Variants in NFYA observed in about 807,000 individuals in gnomAD.
NFYA encodes the protein nuclear transcription factor Y subunit alpha.
A neutral mutation model predicts 52.8 loss-of-function variants in NFYA; 28 were observed. That is an observed-to-expected ratio of 0.53 (90% CI 0.39 to 0.73). The LOEUF (loss-of-function observed/expected upper bound fraction) is 0.73. Ranked by LOEUF, NFYA falls within the 30% of genes least tolerant of loss-of-function variation. The pLI is 0.00. For missense variants in NFYA, 234 were observed against 427.0 expected (o/e 0.55, Z 3.98); for synonymous variants, 150 against 150.7 (o/e 1.00, Z 0.03).
intron 5 of NFYA, 62 bp from the exon 6 acceptor site, chr6:41,090,142 A>T (rs1764161593): frequency 1.8e-6 from 2 of 1,131,746 alleles, no homozygotes; most frequent in Non-Finnish European, 2.7e-6. Flanking sequence ...TTTAAGGACT[A>T]CATCGTTCTT....
At chr6:41,096,130 T>C (rs1024334385) in intron 9 of NFYA, among the ~76,000 whole-genome samples, 1 of 152,250 alleles carries the variant, frequency 6.6e-6, no homozygotes, top group Admixed American at 6.5e-5. Flanking sequence ...GGATGCATGC[T>C]ATTAATAGTT....
rs973275586 is a variant in NFYA, at chr6:41,100,007, C to G, written c.*2597C>G. The G allele has an allele frequency of 6.6e-6, 1 of 152,072 alleles. No individual in the cohort carries two copies. Among genetic ancestry groups the G allele is most frequent in the Non-Finnish European group, 1.5e-5 (1 of 68,012 alleles). 9.4% of individuals were successfully genotyped at this position (152,072 alleles called of 1,614,324 possible). A position where few individuals can be genotyped will look rare whatever the true frequency, so the allele number is the denominator to read the frequency against. On this transcript the variant is annotated 3_prime_UTR_variant, in exon 10 of 10. Coordinates refer to ENST00000341376, the MANE Select transcript of NFYA (RefSeq NM_002505.5). Reference sequence around the variant, plus strand: ...GTGACTTTTGAGGAATCTGCAACTCCTGGGTTCTAGTTTGTGTTTCCAGTG... The same window carrying G: ...GTGACTTTTGAGGAATCTGCAACTCGTGGGTTCTAGTTTGTGTTTCCAGTG...
At chr6:41,089,787 A>G in intron 5 of NFYA, 77 bp downstream of exon 5, 2 of 1,537,198 alleles carry the variant, frequency 1.3e-6, no homozygotes, top group Non-Finnish European at 1.8e-6. Context: ...TATTTCATGT[A>G]TAGCATGTAT....
intron 1 of NFYA, 145 bp downstream of exon 1, chr6:41,073,229 G>T (rs1763578780): frequency 6.6e-6 from 1 of 151,450 alleles, no homozygotes; most frequent in Non-Finnish European, 1.5e-5. Flanking sequence ...GCGGCCAGCG[G>T]CCCCGGCCCG....
chr6:41,080,452 C>T (rs1182884040), intron 2 of NFYA, among the ~76,000 whole-genome samples: 2 of 152,062 alleles, frequency 1.3e-5, no homozygotes, highest in Non-Finnish European at 2.9e-5. Context: ...GCTATTAAAA[C>T]CTAATCATTT....
At chr6:41,095,797 G>C (rs1274213697) in intron 9 of NFYA, among the ~76,000 whole-genome samples, 1 of 152,170 alleles carries the variant, frequency 6.6e-6, no homozygotes, top group Non-Finnish European at 1.5e-5. Context: ...TCACTAGACT[G>C]TAAGTTGTAT....
chr6:41,092,077 CA>C (rs533265833), intron 7 of NFYA, among the ~76,000 whole-genome samples: 1 of 149,766 alleles, frequency 6.7e-6, no homozygotes, highest in Non-Finnish European at 1.5e-5. Context: ...ATAGAGAAAC[CA>C]AAAAAAAAGT....
rs949009580 is a variant in NFYA, at chr6:41,093,090, G to A, written c.888+5G>A. The A allele has an allele frequency of 2.5e-6, 4 of 1,613,300 alleles. No individual in the cohort carries two copies. Among genetic ancestry groups the A allele is most frequent in the Non-Finnish European group, 3.4e-6 (4 of 1,179,444 alleles). On this transcript the variant is annotated splice_donor_5th_base_variant and intron_variant, in intron 8 of 9. Coordinates refer to ENST00000341376, the MANE Select transcript of NFYA (RefSeq NM_002505.5). ...AAAATTCCAAAGGAGAGAAGGGTAT[G>A]TATAACATTGGGAAGGATATAGGAA...
chr6:41,089,554 C>A (rs753764124), intron 4 of NFYA, 25 bp from the exon 5 acceptor site: 3 of 1,590,672 alleles, frequency 1.9e-6, no homozygotes, highest in South Asian at 2.3e-5. Context: ...AGAGTACAAT[C>A]CTTTTTTTAT....
intron 4 of NFYA, among the ~76,000 whole-genome samples, chr6:41,089,019 T>A (rs1182304287): frequency 6.6e-6 from 1 of 152,138 alleles, no homozygotes; most frequent in African/African-American, 2.4e-5. Flanking sequence ...GGAATCTCGC[T>A]CTGTCGCCCA....
At position 41,073,910 on chromosome 6, in the gene NFYA, G is replaced by A. The variant is rs940335001; in HGVS notation, c.-62+826G>A. On this transcript the variant is annotated intron_variant, in intron 1 of 9. Coordinates refer to ENST00000341376, the MANE Select transcript of NFYA (RefSeq NM_002505.5). ...CAGGACCGCACACCTCCGTCTTGGAGCCCAACCAAGCGGTCTCCGTTTCTT... is the reference window on the plus strand; with the variant it reads ...CAGGACCGCACACCTCCGTCTTGGAACCCAACCAAGCGGTCTCCGTTTCTT... 4.0e-5 allele frequency among the ~76,000 whole-genome samples: 6 copies of A among 151,706 alleles called. No homozygotes were observed. In the East Asian group the frequency reaches 9.6e-4, roughly 24 times the overall value.
chr6:41,096,700 G>T (rs1000128522), intron 9 of NFYA, among the ~76,000 whole-genome samples: 2 of 152,192 alleles, frequency 1.3e-5, no homozygotes, highest in South Asian at 2.1e-4. Context: ...TTCTTGCGGA[G>T]TGTTGCAAAA....
At chr6:41,075,185 C>T (rs192556608) in intron 1 of NFYA, 2 of 152,240 alleles carry the variant, frequency 1.3e-5, no homozygotes, top group East Asian at 3.9e-4. Context: ...GCCTTTGGAA[C>T]GTTTTTTTGT....
In NFYA at chr6:41,101,003, G is replaced by A. The variant is rs529981759; in HGVS notation, c.*3593G>A. On this transcript the variant is annotated 3_prime_UTR_variant, in exon 10 of 10. Coordinates refer to ENST00000341376, the MANE Select transcript of NFYA (RefSeq NM_002505.5). ...TGCTACGCGGCTGGGCCCTGTTTCC[G>A]GTACCTAGGCGGGCAGCCATGGTGA... 308 of 152,422 alleles carry A rather than the reference G, an allele frequency of 2.0e-3. 2 individuals carry two copies. Among genetic ancestry groups the A allele is most frequent in the Non-Finnish European group, 3.2e-3 (218 of 68,080 alleles). 9.4% of individuals were successfully genotyped at this position (152,422 alleles called of 1,614,324 possible).
intron 4 of NFYA, among the ~76,000 whole-genome samples, chr6:41,087,928 T>C (rs1764090407): frequency 6.6e-6 from 1 of 152,208 alleles, no homozygotes; most frequent in African/African-American, 2.4e-5. Flanking sequence ...TTGCTTTCCA[T>C]AATTGCTTTA....
chr6:41,083,095 A>G (rs549477626), intron 3 of NFYA, among the ~76,000 whole-genome samples: 14 of 152,364 alleles, frequency 9.2e-5, no homozygotes, highest in African/African-American at 2.6e-4. Flanking sequence ...TCAAAGATAG[A>G]GTCTGAAAAT....
In NFYA at chr6:41,102,197, A is replaced by G. The variant is rs1479613199; in HGVS notation, c.*4787A>G. Reference sequence around the variant, plus strand: ...AGAAGGGGGCCAGAAGTACTTTAAAACAGGTACCAAAGGGTCATTCCTTTA... The same window carrying G: ...AGAAGGGGGCCAGAAGTACTTTAAAGCAGGTACCAAAGGGTCATTCCTTTA... On this transcript the variant is annotated 3_prime_UTR_variant, in exon 10 of 10. Coordinates refer to ENST00000341376, the MANE Select transcript of NFYA (RefSeq NM_002505.5). The G allele has an allele frequency of 2.0e-5, 3 of 152,182 alleles. No homozygotes were observed. The East Asian group carries it at 5.8e-4, about 29-fold the overall frequency. The allele number at this position is 152,182 out of a possible 1,614,324, so 9.4% of individuals were successfully genotyped here. A position where few individuals can be genotyped will look rare whatever the true frequency, so the allele number is the denominator to read the frequency against.
rs1031777086 is a variant in NFYA at position 41,102,140 on chromosome 6, G to T, written c.*4730G>T. ...GTGAGTGATCATTGTAGGGTAACAA[G>T]GTGTGGTGCTGGGCTCCTGGGGGTT... On this transcript the variant is annotated 3_prime_UTR_variant, in exon 10 of 10. Coordinates refer to ENST00000341376, the MANE Select transcript of NFYA (RefSeq NM_002505.5). The T allele has an allele frequency of 6.6e-6, 1 of 152,184 alleles. No individual in the cohort carries two copies. Among genetic ancestry groups the T allele is most frequent in the Admixed American group, 6.5e-5 (1 of 15,280 alleles). The allele number at this position is 152,184 out of a possible 1,614,324, so 9.4% of individuals were successfully genotyped here. A position where few individuals can be genotyped will look rare whatever the true frequency, so the allele number is the denominator to read the frequency against.
intron 9 of NFYA, among the ~76,000 whole-genome samples, chr6:41,094,950 C>A (rs35105472): frequency 6.6e-6 from 1 of 152,054 alleles, no homozygotes; most frequent in South Asian, 2.1e-4. Flanking sequence ...TTTTATTACC[C>A]CATCACAAAT....
Sources: gnomAD v4.1 joint callset for allele counts (sites outside exome capture counted in the v4.1 genomes callset) on GRCh38, gnomAD v4.1.1 for gene constraint, MANE v1.5 for transcripts, NCBI Gene and HGNC (gene_info 2026-07-23, HGNC 2026-07-21) for gene names.